Variants in FBXW12 observed in about 807,000 individuals in gnomAD.
FBXW12 encodes the protein F-box/WD repeat-containing protein 12.
FBXW12 carries 43 observed loss-of-function variants against 55.3 expected under a neutral mutation model. The observed-to-expected ratio is 0.78, with a 90% CI of 0.61 to 1.00. FBXW12 has a LOEUF of 1.00. Ranked by LOEUF, FBXW12 falls within the 50% of genes least tolerant of loss-of-function variation. The pLI, the probability that FBXW12 is intolerant of heterozygous loss-of-function variation, is 0.00. For synonymous variants in FBXW12, 184 were observed against 203.8 expected (o/e 0.90, Z 0.83); for missense variants, 524 against 560.5 (o/e 0.93, Z 0.66).
intron 7 of FBXW12, 143 bp from the exon 8 acceptor site, chr3:48,380,559 A>AG (rs1189683491): frequency 1.6e-6 from 1 of 640,320 alleles, no homozygotes; most frequent in African/African-American, 1.8e-5. Context: ...AGTGATAAGC[A>AG]GTGACCACTC....
At chr3:48,381,025 T>G (rs1476301634) in intron 8 of FBXW12, 113 bp downstream of exon 8, 3 of 439,166 alleles carry the variant, frequency 6.8e-6, no homozygotes, top group Non-Finnish European at 6.8e-6. Context: ...ATTTCTAGTT[T>G]TTTTTTTTTT....
intron 10 of FBXW12, among the ~76,000 whole-genome samples, chr3:48,386,533 T>C (rs2106647774): frequency 6.6e-6 from 1 of 152,338 alleles, no homozygotes; most frequent in African/African-American, 2.4e-5. Flanking sequence ...GAAAAGGTCA[T>C]TGAAATTTTG....
Position 48,378,332 on chromosome 3 carries a change from T to G in FBXW12, c.421T>G (p.Ser141Ala). The G allele has an allele frequency of 6.2e-7, 1 of 1,614,052 alleles. No individual in the cohort carries two copies. The highest frequency in any genetic ancestry group is 8.5e-7 in the Non-Finnish European group (1 of 1,179,974). ...CGTTTTCTAGGGTACCATGATCTGG[T>G]CAAGCCCAGTCCAGGAGTTCCATTT... is the stretch of plus-strand genomic sequence containing the variant. ...WDVQEGTMIWSSPVQEFHFSN... is the reference protein window; with the variant it reads ...WDVQEGTMIWASPVQEFHFSN... The change falls in exon 6 of 11, where the codon TCA becomes GCA. Residue 141 changes from serine to alanine, a missense_variant. Ser to Ala is a moderately conservative substitution (Grantham distance 99). Transcript: ENST00000296438.
At position 48,372,756 on chromosome 3, in the gene FBXW12, A is replaced by G. The variant is rs1285869384; in HGVS notation, c.-12A>G. ...GAGAAAGGAAAGTGGATGTGGGTTC[A>G]GGCCGCATGAAATGGAGATCCGATT... On this transcript the variant is annotated 5_prime_UTR_variant, in exon 2 of 11. Transcript: ENST00000296438. 1 of 1,614,074 alleles carries G rather than the reference A, an allele frequency of 6.2e-7. No individual in the cohort carries two copies. Among genetic ancestry groups the G allele is most frequent in the South Asian group, 1.1e-5 (1 of 91,094 alleles).
At chr3:48,390,000 G>A (rs1400879855) in intron 10 of FBXW12, among the ~76,000 whole-genome samples, 2 of 152,190 alleles carry the variant, frequency 1.3e-5, no homozygotes, top group Non-Finnish European at 2.9e-5. Flanking sequence ...TTGAAGATCA[G>A]TTGGCTGTGG....
chr3:48,381,646 T>C, intron 8 of FBXW12, 54 bp from the exon 9 acceptor site: 1 of 1,484,954 alleles, frequency 6.7e-7, no homozygotes, highest in Non-Finnish European at 9.0e-7. Context: ...AATGACCTGA[T>C]CTTTACTTCC....
At chr3:48,383,211 T>G (rs1041923066) in intron 10 of FBXW12, among the ~76,000 whole-genome samples, 1 of 152,226 alleles carries the variant, frequency 6.6e-6, no homozygotes, top group Non-Finnish European at 1.5e-5. Flanking sequence ...CTAATAAATT[T>G]TAGCCTACAC....
At chr3:48,379,287 A>G (rs749076554) in intron 6 of FBXW12, 113 bp from the exon 7 acceptor site, 1 of 986,714 alleles carries the variant, frequency 1.0e-6, no homozygotes, top group Non-Finnish European at 1.6e-6. Context: ...TTTGATCTCC[A>G]TTATGTGATT....
chr3:48,378,215 A>G lies in FBXW12; in HGVS notation c.406-102A>G, dbSNP rs1387425756. The stretch of plus-strand genomic sequence containing the variant: ...TCATATCCTCTGCCCAGAAGCAAGA[A>G]GATCTGATTTGGAAGAGGCTTCCAA... On this transcript the variant is annotated intron_variant, in intron 5 of 10. Coordinates refer to ENST00000296438, the MANE Select transcript of FBXW12 (RefSeq NM_207102.2). 25 of 865,056 alleles carry G rather than the reference A, an allele frequency of 2.9e-5. No homozygotes were observed. In the South Asian group the frequency reaches 3.3e-4, roughly 11 times the overall value. The allele number at this position is 865,056 out of a possible 1,614,324, so 53.6% of individuals were successfully genotyped here.
At chr3:48,384,545 T>C (rs1056063178) in intron 10 of FBXW12, among the ~76,000 whole-genome samples, 28 of 152,236 alleles carry the variant, frequency 1.8e-4, no homozygotes, top group African/African-American at 5.1e-4. Flanking sequence ...GCATTGGCTA[T>C]AACCTCCTGT....
At chr3:48,383,378 T>G (rs779611243) in intron 10 of FBXW12, among the ~76,000 whole-genome samples, 2 of 152,222 alleles carry the variant, frequency 1.3e-5, no homozygotes, top group Non-Finnish European at 2.9e-5. Flanking sequence ...ATCCACATTA[T>G]CTTCTTTAAC....
intron 10 of FBXW12, among the ~76,000 whole-genome samples, chr3:48,392,972 G>T (rs2036951207): frequency 6.7e-6 from 1 of 148,662 alleles, no homozygotes; most frequent in African/African-American, 2.5e-5. Flanking sequence ...TTTGTGGGCA[G>T]AGGAAGGGGT....
rs899732091 is a variant in FBXW12, at chr3:48,380,988, G to T, written c.985+76G>T. Reference sequence around the variant, plus strand: ...CATTCGTGTTTAGCTCTAATAAATGGGTCAGCCTGTATAAAGTGAGCAGGG... The same window carrying T: ...CATTCGTGTTTAGCTCTAATAAATGTGTCAGCCTGTATAAAGTGAGCAGGG... On this transcript the variant is annotated intron_variant, in intron 8 of 10. Transcript: ENST00000296438. 7.9e-6 allele frequency: 10 copies of T among 1,261,234 alleles called. No individual in the cohort carries two copies. In the Admixed American group the frequency reaches 1.6e-4, roughly 21 times the overall value. 78.1% of individuals were successfully genotyped at this position (1,261,234 alleles called of 1,614,324 possible).
chr3:48,374,977 G>T (rs952354464), intron 4 of FBXW12, among the ~76,000 whole-genome samples: 1 of 151,842 alleles, frequency 6.6e-6, no homozygotes. Flanking sequence ...TGGCCAGGCC[G>T]GTCTAGAACT....
Position 48,380,818 on chromosome 3 carries a change from A to G in FBXW12, c.891A>G (p.Ile297Met). ...GGACCCCAAAGGTGAAAAACAGGATAACACTGATGTCCCAAAGTAGCACTG... is the reference window on the plus strand; with the variant it reads ...GGACCCCAAAGGTGAAAAACAGGATGACACTGATGTCCCAAAGTAGCACTG... The part of the protein sequence containing the change: ...ACWTPKVKNR[I>M]TLMSQSSTGK... Residue 297 changes from isoleucine (I) to methionine (M), a missense_variant, in exon 8 of 11, where the codon ATA (isoleucine) becomes ATG (methionine). Coordinates refer to ENST00000296438, the MANE Select transcript of FBXW12 (RefSeq NM_207102.2). 1 of 1,614,192 alleles carries G rather than the reference A, an allele frequency of 6.2e-7. No homozygotes were observed. Among genetic ancestry groups the G allele is most frequent in the South Asian group, 1.1e-5 (1 of 91,078 alleles).
chr3:48,378,923 A>G (rs1017805060), intron 6 of FBXW12, among the ~76,000 whole-genome samples: 1 of 152,162 alleles, frequency 6.6e-6, no homozygotes, highest in African/African-American at 2.4e-5. Flanking sequence ...TCCCTTCCAC[A>G]TACCCTGCGA....
intron 3 of FBXW12, 99 bp from the exon 4 acceptor site, chr3:48,373,449 C>T: frequency 6.2e-7 from 1 of 1,606,356 alleles, no homozygotes; most frequent in South Asian, 1.1e-5. Flanking sequence ...GAGATATACA[C>T]AGGAAAGTTA....
At chr3:48,374,172 A>T (rs570260107) in intron 4 of FBXW12, among the ~76,000 whole-genome samples, 21 of 152,124 alleles carry the variant, frequency 1.4e-4, no homozygotes, top group African/African-American at 3.4e-4. Flanking sequence ...GAAAAAATTT[A>T]AAAAATTAGC....
rs774521113 is a variant in FBXW12 at position 48,394,572 on chromosome 3, T to C, written c.1308T>C (p.Ser436=). ...HDHTTDSCIS[S]VMCDNASIVL... is the part of the protein sequence containing the mutation. ...TTTCCATTGACAGCTGCATCTCCAG[T>C]GTGATGTGTGATAATGCAAGCATAG... The change falls in exon 11 of 11, where the codon AGT becomes AGC. Residue 436 remains serine, a synonymous_variant. Coordinates refer to ENST00000296438, the MANE Select transcript of FBXW12 (RefSeq NM_207102.2). 6.3e-7 allele frequency: 1 copy of C among 1,595,800 alleles called. No individual in the cohort carries two copies. Among genetic ancestry groups the C allele is most frequent in the Admixed American group, 1.7e-5 (1 of 57,408 alleles).
Sources: gnomAD v4.1 joint callset for allele counts (sites outside exome capture counted in the v4.1 genomes callset) on GRCh38, gnomAD v4.1.1 for gene constraint, MANE v1.5 for transcripts, NCBI Gene and HGNC (gene_info 2026-07-23, HGNC 2026-07-21) for gene names.